SCFD2: variants seen among roughly 807,000 people sequenced by gnomAD.
SCFD2 encodes the protein sec1 family domain containing 2.
In SCFD2, 54 loss-of-function variants were observed where a neutral mutation model predicts 58.9. That is an observed-to-expected ratio of 0.92 (90% CI 0.74 to 1.15). The LOEUF is 1.15. SCFD2 is among the 50% of genes most tolerant of loss of function. SCFD2 has a pLI of 0.00. For missense variants in SCFD2, 805 were observed against 836.6 expected, an observed-to-expected ratio of 0.96 and a Z score of 0.47; for synonymous variants, 321 against 335.9, an observed-to-expected ratio of 0.96 and a Z score of 0.49.
chr4:53,299,637 C>A (rs1291045882), intron 3 of SCFD2, among the ~76,000 whole-genome samples: 3 of 151,934 alleles, frequency 2.0e-5, no homozygotes, highest in Non-Finnish European at 4.4e-5. Flanking sequence ...CTCCAAGACA[C>A]ATAATTGTCA....
At chr4:53,113,519 T>C (rs184233194) in intron 5 of SCFD2, among the ~76,000 whole-genome samples, 3 of 152,154 alleles carry the variant, frequency 2.0e-5, no homozygotes, top group Non-Finnish European at 2.9e-5. Context: ...AAGGCTGTTA[T>C]TTCAAAATAA....
intron 5 of SCFD2, among the ~76,000 whole-genome samples, chr4:52,977,703 A>C (rs1721285382): frequency 6.6e-6 from 1 of 152,210 alleles, no homozygotes; most frequent in South Asian, 2.1e-4. Context: ...TATCAGGAAT[A>C]TGAACATATA....
At position 53,153,577 on chromosome 4, in the gene SCFD2, T is replaced by A. The variant is rs139572515; in HGVS notation, c.1312-7995A>T. 8.6e-3 allele frequency among the ~76,000 whole-genome samples: 1,310 copies of A among 152,312 alleles called. 17 individuals are homozygous for A. Among genetic ancestry groups the A allele is most frequent in the African/African-American group, 0.03 (1,247 of 41,566 alleles). On this transcript the variant is annotated intron_variant, in intron 4 of 8. Coordinates refer to ENST00000401642, the MANE Select transcript of SCFD2 (RefSeq NM_152540.4). The stretch of plus-strand genomic sequence containing the variant: ...GGGCTGCAAAGGAGATTTCTGATGC[T>A]TTCAAGGCCATTTTCTCATTGTTTT...
chr4:53,334,409 T>C (rs1440605489), intron 2 of SCFD2, among the ~76,000 whole-genome samples: 2 of 151,962 alleles, frequency 1.3e-5, no homozygotes, highest in African/African-American at 2.4e-5. Flanking sequence ...CACCATGGAA[T>C]ACTATGTAGC....
chr4:53,357,146 G>T (rs1008071102), intron 1 of SCFD2, among the ~76,000 whole-genome samples: 8 of 152,042 alleles, frequency 5.3e-5, no homozygotes, highest in African/African-American at 1.7e-4. Context: ...TTCAAGCCAG[G>T]CTCGGTGGCT....
chr4:53,059,770 A>G (rs1432215744), intron 5 of SCFD2, among the ~76,000 whole-genome samples: 2 of 152,170 alleles, frequency 1.3e-5, no homozygotes, highest in South Asian at 4.1e-4. Context: ...AATAATTCTC[A>G]GAACAAAAAT....
At chr4:53,357,912 G>T (rs1371349684) in intron 1 of SCFD2, among the ~76,000 whole-genome samples, 1 of 152,264 alleles carries the variant, frequency 6.6e-6, no homozygotes, top group East Asian at 1.9e-4. Context: ...AACTGCCAAG[G>T]TTCAAATCCT....
At chr4:53,085,588 G>A (rs573340452) in intron 5 of SCFD2, among the ~76,000 whole-genome samples, 3 of 152,130 alleles carry the variant, frequency 2.0e-5, no homozygotes, top group African/African-American at 7.2e-5. Flanking sequence ...GCTATTCTGT[G>A]CAAAAATAAC....
At chr4:53,145,741 C>T (rs1726310220) in intron 4 of SCFD2, among the ~76,000 whole-genome samples, 159 bp from the exon 5 acceptor site, 1 of 152,076 alleles carries the variant, frequency 6.6e-6, no homozygotes, top group Non-Finnish European at 1.5e-5. Context: ...GAGAATACTA[C>T]AAGAAGTTTG....
In SCFD2 at chr4:53,197,158, A is replaced by C. The variant is rs114851812; in HGVS notation, c.1312-51576T>G. 8.7e-3 allele frequency among the ~76,000 whole-genome samples: 1,322 copies of C among 152,262 alleles called. 12 individuals are homozygous for C. The highest frequency in any genetic ancestry group is 0.03 in the African/African-American group (1,258 of 41,562). On this transcript the variant is annotated intron_variant, in intron 4 of 8. Transcript: ENST00000401642. ...TCCTCTGTTTAACTCAAAGGAACAG[A>C]GCAGCAACAACATTAATTCAAAAGA...
At chr4:52,992,249 C>T (rs1721628908) in intron 5 of SCFD2, among the ~76,000 whole-genome samples, 1 of 152,182 alleles carries the variant, frequency 6.6e-6, no homozygotes, top group Non-Finnish European at 1.5e-5. Flanking sequence ...GGCTGGTCTC[C>T]AGCTCCTAAC....
intron 5 of SCFD2, among the ~76,000 whole-genome samples, chr4:53,135,619 G>A (rs550680810): frequency 5.3e-5 from 8 of 152,214 alleles, no homozygotes; most frequent in Non-Finnish European, 7.4e-5. Flanking sequence ...GTACGTGCCT[G>A]TAGTCTCAGC....
chr4:52,880,367 A>G (rs1421336842), intron 8 of SCFD2, among the ~76,000 whole-genome samples: 1 of 151,830 alleles, frequency 6.6e-6, no homozygotes, highest in African/African-American at 2.4e-5. Flanking sequence ...CTGTAATCCC[A>G]GCACTTTGGG....
intron 2 of SCFD2, among the ~76,000 whole-genome samples, chr4:53,332,883 A>G (rs1733538795): frequency 6.6e-6 from 1 of 151,386 alleles, no homozygotes; most frequent in Admixed American, 6.6e-5. Flanking sequence ...TTAAGCTGAT[A>G]AGCAACTTCA....
intron 5 of SCFD2, among the ~76,000 whole-genome samples, chr4:53,124,537 A>C (rs1414512542): frequency 2.0e-5 from 3 of 152,228 alleles, no homozygotes; most frequent in African/African-American, 7.2e-5. Flanking sequence ...CTCGCTGTCA[A>C]GAAGATGATA....
At chr4:53,219,343 C>T (rs1338798399) in intron 4 of SCFD2, among the ~76,000 whole-genome samples, 1 of 152,208 alleles carries the variant, frequency 6.6e-6, no homozygotes, top group Non-Finnish European at 1.5e-5. Context: ...ATGGCGGGCG[C>T]CCCTCCCCCA....
chr4:52,924,344 G>A (rs996025736), intron 5 of SCFD2, among the ~76,000 whole-genome samples: 3 of 152,170 alleles, frequency 2.0e-5, no homozygotes, highest in Admixed American at 6.5e-5. Flanking sequence ...CTACTGTGGA[G>A]CAGGTTGTCT....
intron 3 of SCFD2, among the ~76,000 whole-genome samples, chr4:53,296,001 T>C (rs1732016321): frequency 6.6e-6 from 1 of 152,236 alleles, no homozygotes; most frequent in Admixed American, 6.5e-5. Context: ...TTGATCATGG[T>C]GGATAAGCTT....
intron 6 of SCFD2, among the ~76,000 whole-genome samples, chr4:52,919,605 T>G (rs1719687517): frequency 6.6e-6 from 1 of 152,218 alleles, no homozygotes; most frequent in Non-Finnish European, 1.5e-5. Context: ...GAGGAGGTTT[T>G]GGGCTGGCAG....
Sources: allele counts gnomAD v4.1 joint callset (sites outside exome capture counted in the v4.1 genomes callset), GRCh38; gene constraint gnomAD v4.1.1; transcripts MANE v1.5; gene names NCBI Gene and HGNC (gene_info 2026-07-23, HGNC 2026-07-21).